SLC24A2: variants seen among roughly 807,000 people sequenced by gnomAD.
SLC24A2 encodes solute carrier family 24 member 2.
In SLC24A2, 36 loss-of-function variants were observed where a neutral mutation model predicts 62.0. The observed-to-expected ratio is 0.58, with a 90% CI of 0.44 to 0.77. The LOEUF is 0.77. Among genes scored for constraint, SLC24A2 ranks in the 30% least tolerant of loss-of-function variants. SLC24A2 has a pLI of 0.00. For missense variants in SLC24A2, 846 were observed against 817.9 expected (o/e 1.03, Z -0.42); for synonymous variants, 358 against 294.0 (o/e 1.22, Z -2.23).
chr9:19,913,344 A>G, the SLC24A2 span, among the ~76,000 whole-genome samples: 4 of 152,204 alleles, frequency 2.6e-5, no homozygotes, highest in African/African-American at 7.2e-5. Flanking sequence ...GTAGTCACAT[A>G]AATCACTCTG....
the SLC24A2 span, among the ~76,000 whole-genome samples, chr9:20,153,903 T>G: frequency 6.6e-6 from 1 of 151,792 alleles, no homozygotes; most frequent in Non-Finnish European, 1.5e-5. Context: ...AATAAATATT[T>G]TTGCTGGAAA....
the SLC24A2 span, among the ~76,000 whole-genome samples, chr9:20,049,154 T>C: frequency 6.6e-6 from 1 of 152,138 alleles, no homozygotes; most frequent in African/African-American, 2.4e-5. Context: ...GATATTAAGA[T>C]GGGCAGCAAA....
chr9:19,975,320 A>G, the SLC24A2 span, among the ~76,000 whole-genome samples: 1 of 152,168 alleles, frequency 6.6e-6, no homozygotes, highest in East Asian at 1.9e-4. Context: ...TTATTTCCCC[A>G]AAGAAACTAT....
the SLC24A2 span, among the ~76,000 whole-genome samples, chr9:20,258,811 TCTAC>T: frequency 4.2e-4 from 54 of 127,694 alleles, no homozygotes; most frequent in South Asian, 1.5e-3. Context: ...TATCTATCTA[TCTAC>T]CTTATCTATC....
the SLC24A2 span, among the ~76,000 whole-genome samples, chr9:20,080,256 A>G: frequency 6.6e-6 from 1 of 152,260 alleles, no homozygotes; most frequent in Non-Finnish European, 1.5e-5. Context: ...CAAAAACAGC[A>G]TGGTACTGTT....
the SLC24A2 span, among the ~76,000 whole-genome samples, chr9:20,162,410 C>G: frequency 2.2e-4 from 34 of 152,006 alleles, no homozygotes; most frequent in South Asian, 6.9e-3. Flanking sequence ...AACACATACA[C>G]CCTCCCAAGA....
intron 4 of SLC24A2, among the ~76,000 whole-genome samples, chr9:19,617,175 G>T (rs76524522): frequency 1.2e-4 from 19 of 152,124 alleles, no homozygotes; most frequent in Non-Finnish European, 1.5e-5. Context: ...CATTAAATTC[G>T]AATAAGGAGC....
At chr9:19,815,164 G>T in the SLC24A2 span, among the ~76,000 whole-genome samples, 1 of 152,136 alleles carries the variant, frequency 6.6e-6, no homozygotes, top group East Asian at 1.9e-4. Flanking sequence ...TTTAAATTCT[G>T]AGAGTAAGAG....
At chr9:19,856,426 T>A in the SLC24A2 span, among the ~76,000 whole-genome samples, 2 of 152,162 alleles carry the variant, frequency 1.3e-5, no homozygotes, top group African/African-American at 2.4e-5. Flanking sequence ...CATGAGCTTA[T>A]CTACCTTCGA....
intron 8 of SLC24A2, among the ~76,000 whole-genome samples, chr9:19,530,547 T>C (rs990942720): frequency 2.0e-5 from 3 of 152,198 alleles, no homozygotes; most frequent in African/African-American, 7.2e-5. Context: ...ATCAAATCAT[T>C]TGAACATATT....
At chr9:20,080,090 T>C in the SLC24A2 span, among the ~76,000 whole-genome samples, 1 of 152,338 alleles carries the variant, frequency 6.6e-6, no homozygotes, top group African/African-American at 2.4e-5. Flanking sequence ...CCCATCAAGC[T>C]ACCAATGACT....
rs4977544 is a variant in SLC24A2, at chr9:19,509,907, T to C, written c.*6246A>G. 102,428 of 152,028 alleles carry C rather than the reference T, an allele frequency of 0.67. 35,443 individuals are homozygous for C. The highest frequency in any genetic ancestry group is 0.93 in the East Asian group (4,810 of 5,178). The allele number at this position is 152,028 out of a possible 1,614,324, so 9.4% of individuals were successfully genotyped here. A position where few individuals can be genotyped will look rare whatever the true frequency, so the allele number is the denominator to read the frequency against. On this transcript the variant is annotated 3_prime_UTR_variant, in exon 11 of 11. Coordinates refer to ENST00000341998, the MANE Select transcript of SLC24A2 (RefSeq NM_020344.4). ...AACCCTGGCCCATGAGATCAATCAG[T>C]AGCTTTACAAATCCTATCCAACCTA...
At chr9:19,976,962 A>T in the SLC24A2 span, among the ~76,000 whole-genome samples, 246 of 152,360 alleles carry the variant, frequency 1.6e-3, 5 homozygotes, top group South Asian at 0.026. Flanking sequence ...AACATATTTT[A>T]AAAAGTGCAA....
chr9:19,866,012 AAT>A, the SLC24A2 span, among the ~76,000 whole-genome samples: 1 of 152,240 alleles, frequency 6.6e-6, no homozygotes, highest in African/African-American at 2.4e-5. Context: ...GGAAAAATCT[AAT>A]AATCCAATTT....
At chr9:19,763,717 C>CG (rs1296361661) in intron 2 of SLC24A2, among the ~76,000 whole-genome samples, 16 of 152,190 alleles carry the variant, frequency 1.1e-4, no homozygotes, top group African/African-American at 3.9e-4. Context: ...GGTTTGCCAG[C>CG]ATTTTATTGA....
chr9:20,282,531 T>C, the SLC24A2 span, among the ~76,000 whole-genome samples: 1 of 152,326 alleles, frequency 6.6e-6, no homozygotes, highest in Non-Finnish European at 1.5e-5. Context: ...AATCATACTC[T>C]ATCAGTGATA....
At chr9:19,689,933 C>G (rs887594588) in intron 2 of SLC24A2, among the ~76,000 whole-genome samples, 2 of 152,094 alleles carry the variant, frequency 1.3e-5, no homozygotes, top group Admixed American at 6.6e-5. Context: ...TATGCATCAT[C>G]CAAACTACTG....
intron 8 of SLC24A2, among the ~76,000 whole-genome samples, chr9:19,535,692 G>A (rs985443653): frequency 6.6e-6 from 1 of 152,166 alleles, no homozygotes; most frequent in African/African-American, 2.4e-5. Flanking sequence ...TGAGGCCTCT[G>A]TTCTGTTCCA....
the SLC24A2 span, among the ~76,000 whole-genome samples, chr9:20,217,101 G>C: frequency 6.6e-6 from 1 of 152,162 alleles, no homozygotes; most frequent in Non-Finnish European, 1.5e-5. Context: ...TAAATGGATT[G>C]TGGTATAGTC....
Sources: allele counts gnomAD v4.1 joint callset (sites outside exome capture counted in the v4.1 genomes callset), GRCh38; gene constraint gnomAD v4.1.1; transcripts MANE v1.5; gene names NCBI Gene and HGNC (gene_info 2026-07-23, HGNC 2026-07-21).